Variants in PHACTR2 observed in about 807,000 individuals in gnomAD.
PHACTR2 encodes the protein phosphatase and actin regulator 2, also known as chromosome 6 open reading frame 56.
A neutral mutation model predicts 76.0 loss-of-function variants in PHACTR2; 30 were observed. That is an observed-to-expected ratio of 0.39 (90% CI 0.30 to 0.54). PHACTR2 has a LOEUF of 0.54. Among genes scored for constraint, PHACTR2 ranks in the 20% least tolerant of loss-of-function variants. The probability of loss-of-function intolerance (pLI) is 0.61; values close to 1 mark genes in which losing one functional copy is unlikely to be tolerated. For missense variants in PHACTR2, 696 were observed against 781.1 expected (o/e 0.89, Z 1.30); for synonymous variants, 292 against 292.5 (o/e 1.00, Z 0.02).
chr6:143,564,239 ATGCC>A (rs1775329510), intron 1 of PHACTR2, among the ~76,000 whole-genome samples: 1 of 117,796 alleles, frequency 8.5e-6, no homozygotes, highest in Non-Finnish European at 1.8e-5. Context: ...ATATATATGT[ATGCC>A]ACTGCACTCT....
In PHACTR2 at chr6:143,775,259, G is replaced by A. The variant is rs529307040; in HGVS notation, c.1589+1044G>A. Among the ~76,000 whole-genome samples, 9 of 152,296 alleles carry A rather than the reference G, an allele frequency of 5.9e-5. No homozygotes were observed. The highest frequency in any genetic ancestry group is 1.0e-4 in the Non-Finnish European group (7 of 68,012). On this transcript the variant is annotated intron_variant, in intron 8 of 12. Transcript: ENST00000440869. The surrounding 1 kb of genome is among the most constrained non-coding windows in gnomAD (Gnocchi z 4.4). ...CACAGCCTACCAGGGAACCTCGGGG[G>A]AGGCTTAGAGGGTCTCTCTGTTCTG...
chr6:143,809,019 G>A lies in PHACTR2; in HGVS notation c.1922+1886G>A, dbSNP rs145551760. 3.3e-5 allele frequency among the ~76,000 whole-genome samples: 5 copies of A among 152,336 alleles called. No individual in the cohort carries two copies. In the East Asian group the frequency reaches 9.6e-4, roughly 29 times the overall value. On this transcript the variant is annotated intron_variant, in intron 12 of 12. Coordinates refer to ENST00000440869, the MANE Select transcript of PHACTR2 (RefSeq NM_001100164.2). This position sits in a 1 kb window ranked among gnomAD's most constrained non-coding sequence, Gnocchi z 4.2. ...GGGCCTCCGGGCAACTGGGAAGATA[G>A]AGTGCTTGGTGCAGTTGGGTCCTGA...
rs1216411521 is a variant in PHACTR2, at chr6:143,678,315, C to T, written c.46+106C>T. On this transcript the variant is annotated intron_variant, in intron 1 of 12. Coordinates refer to ENST00000440869, the MANE Select transcript of PHACTR2 (RefSeq NM_001100164.2). This position sits in a 1 kb window ranked among gnomAD's most constrained non-coding sequence, Gnocchi z 6.2. ...TCGTCTGGTCGGGTTCCGCTCGGAC[C>T]CGCCAAGTCCCTCGGAGAAACCCCA... is the stretch of plus-strand genomic sequence containing the variant. 9.6e-7 allele frequency: 1 copy of T among 1,042,300 alleles called. No homozygotes were observed. Among genetic ancestry groups the T allele is most frequent in the Non-Finnish European group, 1.3e-6 (1 of 771,052 alleles). The allele number at this position is 1,042,300 out of a possible 1,614,324, so 64.6% of individuals were successfully genotyped here.
In PHACTR2 at chr6:143,659,786, G is replaced by C. The variant is rs530788491; in HGVS notation, c.13+51464G>C. 6.6e-6 allele frequency among the ~76,000 whole-genome samples: 1 copy of C among 152,268 alleles called. No homozygotes were observed. Among genetic ancestry groups the C allele is most frequent in the South Asian group, 2.1e-4 (1 of 4,818 alleles). The stretch of plus-strand genomic sequence containing the variant: ...AATATTTCCTTCCTCCAAAAGCAGA[G>C]GAAACTAGAACTCCCTTCCAGTTTG... On this transcript the variant is annotated intron_variant, in intron 1 of 11. Transcript: ENST00000305766. The surrounding 1 kb of genome is among the most constrained non-coding windows in gnomAD (Gnocchi z 5.0).
chr6:143,763,829 T>G (rs1264294137), intron 5 of PHACTR2, among the ~76,000 whole-genome samples: 1 of 152,216 alleles, frequency 6.6e-6, no homozygotes, highest in Non-Finnish European at 1.5e-5. Context: ...AACATCTGTA[T>G]ACAGTGTGGA....
chr6:143,626,493 C>T lies in PHACTR2; in HGVS notation c.13+18171C>T, dbSNP rs1582712616. 3.5e-5 allele frequency among the ~76,000 whole-genome samples: 5 copies of T among 143,800 alleles called. No homozygotes were observed. The East Asian group carries it at 9.9e-4, about 28-fold the overall frequency. 94.3% of individuals were successfully genotyped at this position (143,800 alleles called of 152,430 possible). ...CGGAGCTTGCAGTGAGCCGAGATTG[C>T]GCCACTGCAGTCCATCCTGGGCAGC... On this transcript the variant is annotated intron_variant, in intron 1 of 11. Coordinates refer to the PHACTR2 transcript ENST00000305766.
intron 1 of PHACTR2, among the ~76,000 whole-genome samples, chr6:143,588,350 C>G (rs558818439): frequency 1.1e-3 from 174 of 152,258 alleles, no homozygotes; most frequent in Admixed American, 2.3e-3. Context: ...TTTTTGAGAA[C>G]ATTTCATTTT....
In PHACTR2 at chr6:143,567,017, T is replaced by C. The variant is rs1775373305; in HGVS notation, c.217+29810T>C. Among the ~76,000 whole-genome samples, 2 of 152,152 alleles carry C rather than the reference T, an allele frequency of 1.3e-5. 1 individual carries two copies. The highest frequency in any genetic ancestry group is 1.3e-4 in the Admixed American group (2 of 15,284). ...CCTTTTGAAGCGTCTCTGTAGATGA[T>C]TTATCTAAAGCCATTAGCAGCCACA... On this transcript the variant is annotated intron_variant, in intron 1 of 11. Coordinates refer to the PHACTR2 transcript ENST00000367584.
At chr6:143,732,504 C>T (rs1039323367) in intron 2 of PHACTR2, among the ~76,000 whole-genome samples, 2 of 152,160 alleles carry the variant, frequency 1.3e-5, no homozygotes, top group African/African-American at 4.8e-5. Flanking sequence ...GAATATACCA[C>T]ATTTTATTTA....
intron 1 of PHACTR2, among the ~76,000 whole-genome samples, chr6:143,538,091 C>G (rs2128426007): frequency 6.7e-6 from 1 of 148,580 alleles, no homozygotes; most frequent in South Asian, 2.2e-4. Context: ...GAGACTCCGT[C>G]TTACACACAC....
At position 143,598,514 on chromosome 6, in the gene PHACTR2, T is replaced by C. The variant is rs1045682462; in HGVS notation, c.217+61307T>C. On this transcript the variant is annotated intron_variant, in intron 1 of 11. Transcript: ENST00000367584. This position sits in a 1 kb window ranked among gnomAD's most constrained non-coding sequence, Gnocchi z 4.1. ...TTAAGCCACTAAATTGGTGGTAATT[T>C]GTTACAGTAGCAACAGGAAACTAAT... Among the ~76,000 whole-genome samples, 3 of 152,212 alleles carry C rather than the reference T, an allele frequency of 2.0e-5. No homozygotes were observed. Among genetic ancestry groups the C allele is most frequent in the African/African-American group, 7.2e-5 (3 of 41,452 alleles).
At chr6:143,674,529 G>A (rs1777208522), upstream of PHACTR2, among the ~76,000 whole-genome samples, 1 of 152,056 alleles carries the variant, frequency 6.6e-6, no homozygotes, top group African/African-American at 2.4e-5. The surrounding 1 kb of genome is among the most constrained non-coding windows in gnomAD (Gnocchi z 4.9). Context: ...ATCTTCATCT[G>A]CTTGTATATG....
At chr6:143,747,888 A>G (rs1779100026) in intron 2 of PHACTR2, among the ~76,000 whole-genome samples, 1 of 152,146 alleles carries the variant, frequency 6.6e-6, no homozygotes, top group Non-Finnish European at 1.5e-5. Flanking sequence ...AGTTGCATGG[A>G]CATATAGAGC....
chr6:143,720,633 A>T (rs1217474642), intron 2 of PHACTR2, among the ~76,000 whole-genome samples: 1 of 152,136 alleles, frequency 6.6e-6, no homozygotes, highest in Non-Finnish European at 1.5e-5. Flanking sequence ...TTGAGACAGG[A>T]TCTCACTGTG....
intron 2 of PHACTR2, among the ~76,000 whole-genome samples, chr6:143,737,187 G>A (rs2128466965): frequency 6.6e-6 from 1 of 151,258 alleles, no homozygotes; most frequent in South Asian, 2.1e-4. Context: ...AACAATATAG[G>A]ACAAGAATAC....
chr6:143,639,059 A>G lies in PHACTR2; in HGVS notation c.13+30737A>G, dbSNP rs568793255. ...CAATAAAATTATTCAGTGTAGCATCAAAAGCCTCAGCCAAGGGCTGATAAA... is the reference window on the plus strand; with the variant it reads ...CAATAAAATTATTCAGTGTAGCATCGAAAGCCTCAGCCAAGGGCTGATAAA... On this transcript the variant is annotated intron_variant, in intron 1 of 11. Coordinates refer to the PHACTR2 transcript ENST00000305766. This position sits in a 1 kb window ranked among gnomAD's most constrained non-coding sequence, Gnocchi z 5.0. Among the ~76,000 whole-genome samples the G allele has an allele frequency of 6.6e-6, 1 of 152,384 alleles. No individual in the cohort carries two copies. Among genetic ancestry groups the G allele is most frequent in the Admixed American group, 6.5e-5 (1 of 15,306 alleles).
chr6:143,709,486 T>C lies in PHACTR2; in HGVS notation c.47-2530T>C, dbSNP rs1778121574. Among the ~76,000 whole-genome samples, 1 of 152,232 alleles carries C rather than the reference T, an allele frequency of 6.6e-6. No homozygotes were observed. The highest frequency in any genetic ancestry group is 2.4e-5 in the African/African-American group (1 of 41,456). ...TCTTAGTGTGTCAAGTGATTTTCGA[T>C]GGAAACTTGGACATTTTTGTATTAT... On this transcript the variant is annotated intron_variant, in intron 1 of 12. Coordinates refer to ENST00000440869, the MANE Select transcript of PHACTR2 (RefSeq NM_001100164.2). This position sits in a 1 kb window ranked among gnomAD's most constrained non-coding sequence, Gnocchi z 4.4.
In PHACTR2 at chr6:143,537,164, C is replaced by T; in HGVS notation, c.174C>T (p.Ser58=). ...GCTCACAGAGCGACCTCTCGTCGTC[C>T]TCGAGCAGGGGCCGCCCGCTCCGGG... is the stretch of plus-strand genomic sequence containing the variant. Residue 58 remains serine, a synonymous_variant, in exon 1 of 12, where the codon TCC becomes TCT. Coordinates refer to the PHACTR2 transcript ENST00000367584. The surrounding 1 kb of genome is among the most constrained non-coding windows in gnomAD (Gnocchi z 4.4). 1 of 326,556 alleles carries T rather than the reference C, an allele frequency of 3.1e-6. No individual in the cohort carries two copies. Among genetic ancestry groups the T allele is most frequent in the South Asian group, 3.4e-5 (1 of 29,302 alleles). 20.2% of individuals were successfully genotyped at this position (326,556 alleles called of 1,614,324 possible).
In PHACTR2 at chr6:143,742,393, C is replaced by A. The variant is rs2128468220; in HGVS notation, c.215-6592C>A. On this transcript the variant is annotated intron_variant, in intron 2 of 12. Coordinates refer to ENST00000440869, the MANE Select transcript of PHACTR2 (RefSeq NM_001100164.2). The surrounding 1 kb of genome is among the most constrained non-coding windows in gnomAD (Gnocchi z 4.5). Reference sequence around the variant, plus strand: ...TCCTCTTGCGGAGGCAAGGTGGCCACTAGCCACTCTTGCTCATATTTGTCT... The same window carrying A: ...TCCTCTTGCGGAGGCAAGGTGGCCAATAGCCACTCTTGCTCATATTTGTCT... 6.6e-6 allele frequency among the ~76,000 whole-genome samples: 1 copy of A among 152,336 alleles called. No individual in the cohort carries two copies. Among genetic ancestry groups the A allele is most frequent in the Non-Finnish European group, 1.5e-5 (1 of 68,030 alleles).
Sources: gnomAD v4.1 joint callset for allele counts (sites outside exome capture counted in the v4.1 genomes callset) on GRCh38, gnomAD v4.1.1 for gene constraint, Gnocchi (gnomAD v3.1) non-coding constraint, MANE v1.5 for transcripts, NCBI Gene and HGNC (gene_info 2026-07-23, HGNC 2026-07-21) for gene names.